The following MTHFD2L variants were observed in gnomAD, a reference collection of about 807,000 sequenced individuals.
The protein encoded by MTHFD2L is methylenetetrahydrofolate dehydrogenase (NADP+ dependent) 2 like.
A neutral mutation model predicts 34.9 loss-of-function variants in MTHFD2L; 29 were observed. The ratio of observed to expected loss-of-function variants is 0.83; its 90% confidence interval spans 0.62 to 1.13. The LOEUF (loss-of-function observed/expected upper bound fraction) is 1.13. MTHFD2L is among the 50% of genes most tolerant of loss of function. The probability of loss-of-function intolerance (pLI) is 0.00; values close to 1 mark genes in which losing one functional copy is unlikely to be tolerated. For synonymous variants in MTHFD2L, 167 were observed against 155.7 expected, an observed-to-expected ratio of 1.07 and a Z score of -0.54; for missense variants, 481 against 446.5, an observed-to-expected ratio of 1.08 and a Z score of -0.70.
chr4:74,223,582 A>G (rs1272531423), intron 5 of MTHFD2L, among the ~76,000 whole-genome samples: 4 of 152,066 alleles, frequency 2.6e-5, no homozygotes, highest in Non-Finnish European at 4.4e-5. Flanking sequence ...GAGCTTACCT[A>G]TATAGCAAAC....
At chr4:74,294,998 A>G (rs1578752128) in intron 7 of MTHFD2L, among the ~76,000 whole-genome samples, 1 of 152,158 alleles carries the variant, frequency 6.6e-6, no homozygotes, top group Admixed American at 6.6e-5. Context: ...ACTTTCTTCT[A>G]AAATTATTTA....
chr4:74,171,051 C>G (rs546093444), intron 1 of MTHFD2L, among the ~76,000 whole-genome samples: 91 of 151,652 alleles, frequency 6.0e-4, no homozygotes, highest in African/African-American at 1.9e-3. Context: ...ATGGGTGGAG[C>G]ACACCAACAT....
intron 5 of MTHFD2L, among the ~76,000 whole-genome samples, chr4:74,212,842 G>T (rs1293231587): frequency 6.6e-6 from 1 of 152,000 alleles, no homozygotes; most frequent in Non-Finnish European, 1.5e-5. Flanking sequence ...TCTCTCTGTA[G>T]GTCTCTAAAA....
Position 74,175,341 on chromosome 4 carries a change from T to G in MTHFD2L, c.389T>G (p.Val130Gly). ...KDVSQEELLD[V>G]TDQLNMDPRV... ...GTTTCTCAGGAAGAACTTTTGGACG[T>G]AACTGATCAATTGAATATGGACCCA... The change falls in exon 3 of 8, where the codon GTA becomes GGA. Residue 130 changes from valine to glycine, a missense_variant. Physicochemically the swap from Val to Gly is moderately radical, Grantham distance 109 (BLOSUM62 -3). Coordinates refer to ENST00000325278, the MANE Select transcript of MTHFD2L (RefSeq NM_001144978.3). 6.2e-7 allele frequency: 1 copy of G among 1,613,328 alleles called. No homozygotes were observed.
At chr4:74,117,699 G>A (rs1231470146) in intron 2 of MTHFD2L, among the ~76,000 whole-genome samples, 4 of 152,204 alleles carry the variant, frequency 2.6e-5, no homozygotes, top group Non-Finnish European at 5.9e-5. Context: ...CTTCCCTCAT[G>A]AGAGCTGCTT....
intron 7 of MTHFD2L, among the ~76,000 whole-genome samples, chr4:74,294,205 T>G (rs1468110213): frequency 1.3e-5 from 2 of 152,160 alleles, no homozygotes; most frequent in Non-Finnish European, 2.9e-5. Flanking sequence ...ATTCTTTAAC[T>G]TTGCCAGAAT....
At chr4:74,202,209 T>A (rs1412413955) in intron 5 of MTHFD2L, among the ~76,000 whole-genome samples, 1 of 152,154 alleles carries the variant, frequency 6.6e-6, no homozygotes, top group Admixed American at 6.5e-5. Context: ...ACCACTAGAG[T>A]GTAATTGACA....
chr4:74,121,936 C>T (rs1010022468), upstream of MTHFD2L, among the ~76,000 whole-genome samples: 1 of 151,952 alleles, frequency 6.6e-6, no homozygotes, highest in African/African-American at 2.4e-5. Context: ...AGGAGAGAGT[C>T]CTCAGAAAAA....
chr4:74,145,804 C>T (rs1238510790), intron 1 of MTHFD2L, among the ~76,000 whole-genome samples: 3 of 152,102 alleles, frequency 2.0e-5, no homozygotes, highest in Non-Finnish European at 4.4e-5. Flanking sequence ...CTCACAAGAT[C>T]TGGTTGTTTG....
chr4:74,150,901 A>G (rs953074225), intron 1 of MTHFD2L, among the ~76,000 whole-genome samples: 1 of 152,092 alleles, frequency 6.6e-6, no homozygotes, highest in Non-Finnish European at 1.5e-5. Flanking sequence ...AAAGAAGGCC[A>G]TTATATAATG....
At chr4:74,241,617 A>T (rs1400246735) in intron 6 of MTHFD2L, 2 of 439,720 alleles carry the variant, frequency 4.5e-6, no homozygotes, top group African/African-American at 4.1e-5. Flanking sequence ...AACTCAAGCG[A>T]TCCACCTGCC....
At chr4:74,132,267 C>A (rs531499057) in intron 1 of MTHFD2L, among the ~76,000 whole-genome samples, 1 of 152,252 alleles carries the variant, frequency 6.6e-6, no homozygotes, top group South Asian at 2.1e-4. Flanking sequence ...ATAAATCATT[C>A]TACTATAATC....
intron 5 of MTHFD2L, among the ~76,000 whole-genome samples, chr4:74,213,704 G>C (rs1415698350): frequency 1.3e-5 from 2 of 152,122 alleles, no homozygotes. Context: ...TCTTCTCATG[G>C]AGTATCTTTG....
At chr4:74,125,475 C>T (rs936063853) in exon 1 of MTHFD2L, 13 of 152,156 alleles carry the variant, frequency 8.5e-5, no homozygotes, top group Non-Finnish European at 1.6e-4. Flanking sequence ...TCTGCCTGAA[C>T]ATACAGCAAA....
chr4:74,233,035 TTATTACTTA>T (rs1740316373), intron 6 of MTHFD2L, among the ~76,000 whole-genome samples: 1 of 80,124 alleles, frequency 1.2e-5, no homozygotes, highest in Non-Finnish European at 3.7e-5. Flanking sequence ...TTCTTAGTAA[TTATTACTTA>T]TATTCTAAAA....
At chr4:74,117,868 A>G (rs543085521) in intron 2 of MTHFD2L, among the ~76,000 whole-genome samples, 1 of 152,218 alleles carries the variant, frequency 6.6e-6, no homozygotes, top group Non-Finnish European at 1.5e-5. Flanking sequence ...CACCAAACAG[A>G]TGCAAAGTCC....
At chr4:74,268,521 G>C (rs778558417) in intron 6 of MTHFD2L, among the ~76,000 whole-genome samples, 4 of 151,956 alleles carry the variant, frequency 2.6e-5, no homozygotes, top group Non-Finnish European at 2.9e-5. Context: ...AGGATAATGG[G>C]TAAACCTTTT....
chr4:74,235,478 G>C (rs984625624), intron 6 of MTHFD2L, among the ~76,000 whole-genome samples: 1 of 152,104 alleles, frequency 6.6e-6, no homozygotes, highest in Non-Finnish European at 1.5e-5. Context: ...ATGACACTAG[G>C]TGTTATATTC....
chr4:74,275,461 C>T (rs969494258), intron 6 of MTHFD2L, among the ~76,000 whole-genome samples: 8 of 152,076 alleles, frequency 5.3e-5, no homozygotes, highest in Admixed American at 2.0e-4. Flanking sequence ...GATATATACC[C>T]AGTAATGGGA....
Sources: gnomAD v4.1 joint callset for allele counts (sites outside exome capture counted in the v4.1 genomes callset) on GRCh38, gnomAD v4.1.1 for gene constraint, MANE v1.5 for transcripts, NCBI Gene and HGNC (gene_info 2026-07-23, HGNC 2026-07-21) for gene names.